ETS1: variants seen among roughly 807,000 people sequenced by gnomAD.
ETS1 encodes protein C-ets-1.
Under a neutral mutation model 58.6 loss-of-function variants are expected in ETS1, and 15 were observed. The ratio of observed to expected loss-of-function variants is 0.26; its 90% CI spans 0.17 to 0.39. The LOEUF (loss-of-function observed/expected upper bound fraction) is 0.39. ETS1 is among the 10% of genes least tolerant of loss of function. The pLI is 1.00. For missense variants in ETS1, 417 were observed against 610.5 expected (o/e 0.68, Z 3.34); for synonymous variants, 214 against 218.2 (o/e 0.98, Z 0.17).
At chr11:128,471,091 G>A (rs1417781970) in intron 8 of ETS1, among the ~76,000 whole-genome samples, 1 of 152,192 alleles carries the variant, frequency 6.6e-6, no homozygotes, top group Non-Finnish European at 1.5e-5. Context: ...ATTGTATAGA[G>A]CTCACCTAGA....
chr11:128,530,019 T>G (rs181063256), intron 3 of ETS1: 7 of 152,286 alleles, frequency 4.6e-5, no homozygotes, highest in Admixed American at 2.6e-4. Flanking sequence ...TTAAAACAAC[T>G]TTAGGGTGTC....
intron 3 of ETS1, among the ~76,000 whole-genome samples, chr11:128,539,249 A>C (rs1018118721): frequency 1.3e-5 from 2 of 152,234 alleles, no homozygotes; most frequent in Non-Finnish European, 2.9e-5. Flanking sequence ...CTAAACATCC[A>C]GAAAGTAAAA....
chr11:128,500,878 TC>T (rs1303446086), intron 3 of ETS1, among the ~76,000 whole-genome samples: 1 of 152,126 alleles, frequency 6.6e-6, no homozygotes, highest in Non-Finnish European at 1.5e-5. Context: ...CCACCATACT[TC>T]CCCAGAAGTC....
At chr11:128,528,170 A>C (rs1036033864) in intron 3 of ETS1, among the ~76,000 whole-genome samples, 1 of 152,202 alleles carries the variant, frequency 6.6e-6, no homozygotes, top group Non-Finnish European at 1.5e-5. Context: ...TCAGTCCCCA[A>C]GATTTCAAAA....
intron 2 of ETS1, among the ~76,000 whole-genome samples, chr11:128,559,807 A>G (rs1015408597): frequency 2.0e-5 from 3 of 152,194 alleles, no homozygotes; most frequent in Non-Finnish European, 4.4e-5. Context: ...AGTTGAGGAG[A>G]AAAAAAGCAG....
intron 7 of ETS1, among the ~76,000 whole-genome samples, chr11:128,483,059 T>C (rs1476444925): frequency 6.6e-6 from 1 of 152,196 alleles, no homozygotes; most frequent in East Asian, 1.9e-4. Flanking sequence ...TCAGAATCAA[T>C]TGGCCCTTTG....
At chr11:128,563,629 C>T (rs1038675262) in intron 2 of ETS1, among the ~76,000 whole-genome samples, 3 of 152,210 alleles carry the variant, frequency 2.0e-5, no homozygotes, top group Non-Finnish European at 2.9e-5. Context: ...TAAACAGCCA[C>T]ACCACGGTGG....
chr11:128,529,341 G>A (rs1565398725), intron 3 of ETS1, among the ~76,000 whole-genome samples: 1 of 152,136 alleles, frequency 6.6e-6, no homozygotes, highest in Non-Finnish European at 1.5e-5. Flanking sequence ...AGTAGAAATG[G>A]GGGGACATGG....
At chr11:128,551,911 G>A (rs558398977) in intron 3 of ETS1, among the ~76,000 whole-genome samples, 1 of 152,244 alleles carries the variant, frequency 6.6e-6, no homozygotes, top group Admixed American at 6.5e-5. Flanking sequence ...CAGCACCTGA[G>A]AACTTGTTAG....
chr11:128,571,797 C>T (rs1864640046), intron 2 of ETS1: 1 of 152,092 alleles, frequency 6.6e-6, no homozygotes, highest in Non-Finnish European at 1.5e-5. Flanking sequence ...AATCCCAGCA[C>T]TTTGGGAGGC....
At chr11:128,499,071 C>T (rs570065504) in intron 3 of ETS1, among the ~76,000 whole-genome samples, 1 of 152,228 alleles carries the variant, frequency 6.6e-6, no homozygotes, top group East Asian at 1.9e-4. Flanking sequence ...CCACATCTTA[C>T]ACTTCTGAAT....
intron 3 of ETS1, among the ~76,000 whole-genome samples, chr11:128,540,122 A>T (rs1864032211): frequency 6.6e-6 from 1 of 152,106 alleles, no homozygotes; most frequent in Non-Finnish European, 1.5e-5. Context: ...GACCAGTCTG[A>T]CCAACATGGT....
rs146736278 is a variant in ETS1, at chr11:128,522,589, G to A, written c.215-32013C>T. 733 of 157,536 alleles carry A rather than the reference G, an allele frequency of 4.7e-3. 9 individuals are homozygous for A. The highest frequency in any genetic ancestry group is 0.038 in the South Asian group (186 of 4,940). 9.8% of individuals were successfully genotyped at this position (157,536 alleles called of 1,614,324 possible). A position where few individuals can be genotyped will look rare whatever the true frequency, so the allele number is the denominator to read the frequency against. On this transcript the variant is annotated intron_variant, in intron 3 of 9. Transcript: ENST00000392668. ...AGCAGTGCGTGGAGCCCCGGGCCTC[G>A]GAGCCCAGGCAGGGGCGGGAAGGGC...
chr11:128,580,877 C>G (rs1296860990), intron 1 of ETS1, among the ~76,000 whole-genome samples: 4 of 152,148 alleles, frequency 2.6e-5, no homozygotes, highest in African/African-American at 9.7e-5. Flanking sequence ...TAAAAATAAA[C>G]CCATCTCCTA....
chr11:128,501,185 G>A lies in ETS1; in HGVS notation c.215-10609C>T, dbSNP rs368230723. Reference sequence around the variant, plus strand: ...GGCATGGTTTTTGGCCACTCCCCTCGCTCCACCTAGAAGCATTCCTCTAAG... The same window carrying A: ...GGCATGGTTTTTGGCCACTCCCCTCACTCCACCTAGAAGCATTCCTCTAAG... On this transcript the variant is annotated intron_variant, in intron 3 of 9. Coordinates refer to ENST00000392668, the MANE Select transcript of ETS1 (RefSeq NM_001143820.2). 3.3e-5 allele frequency among the ~76,000 whole-genome samples: 5 copies of A among 152,096 alleles called. No individual in the cohort carries two copies. In the East Asian group the frequency reaches 5.8e-4, roughly 18 times the overall value.
chr11:128,512,286 A>G (rs2135502005), intron 3 of ETS1, among the ~76,000 whole-genome samples: 1 of 152,342 alleles, frequency 6.6e-6, no homozygotes, highest in African/African-American at 2.4e-5. Flanking sequence ...ATCAGAAAAT[A>G]AACAGAACAT....
chr11:128,572,969 T>A, intron 2 of ETS1, 93 bp downstream of exon 2: 1 of 964,264 alleles, frequency 1.0e-6, no homozygotes, highest in South Asian at 1.4e-5. Flanking sequence ...GGTTCCTGGC[T>A]TCTCTGTCTA....
intron 3 of ETS1, among the ~76,000 whole-genome samples, chr11:128,532,229 C>T (rs1236788271): frequency 2.0e-5 from 3 of 152,190 alleles, no homozygotes; most frequent in Admixed American, 6.5e-5. Flanking sequence ...TATTCTGCTC[C>T]CTGGTGTTAA....
intron 3 of ETS1, among the ~76,000 whole-genome samples, chr11:128,521,182 T>C (rs1863657624): frequency 6.6e-6 from 1 of 151,824 alleles, no homozygotes; most frequent in African/African-American, 2.4e-5. Context: ...CAAATGCATA[T>C]AAATGAAAGA....
Sources: gnomAD v4.1 joint callset for allele counts (sites outside exome capture counted in the v4.1 genomes callset) on GRCh38, gnomAD v4.1.1 for gene constraint, MANE v1.5 for transcripts, NCBI Gene and HGNC (gene_info 2026-07-23, HGNC 2026-07-21) for gene names.